RBFOX1: variants seen among roughly 807,000 people sequenced by gnomAD.
RBFOX1 encodes RNA binding protein fox-1 homolog 1.
RBFOX1 carries 8 observed loss-of-function variants against 57.7 expected under a neutral mutation model. The ratio of observed to expected loss-of-function variants is 0.14; its 90% CI spans 0.08 to 0.25. The LOEUF is 0.25. RBFOX1 is among the 10% of genes least tolerant of loss of function. The pLI, the probability that RBFOX1 is intolerant of heterozygous loss-of-function variation, is 1.00. For missense variants in RBFOX1, 611 were observed against 548.5 expected (o/e 1.11, Z -1.14); for synonymous variants, 326 against 222.4 (o/e 1.47, Z -4.15).
In RBFOX1 at chr16:7,051,004, T is replaced by A. The variant is rs540498655; in HGVS notation, c.-15-1053T>A. ...AGAGAAAGTCAAAACAAACTTTGTA[T>A]ACAAAATGCGTAAAATATACATCAA... On this transcript the variant is annotated intron_variant, in intron 3 of 15. Coordinates refer to ENST00000550418, the MANE Select transcript of RBFOX1 (RefSeq NM_018723.4). Among the ~76,000 whole-genome samples the A allele has an allele frequency of 3.3e-5, 5 of 152,298 alleles. No homozygotes were observed. The South Asian group carries it at 6.2e-4, about 19-fold the overall frequency.
chr16:5,813,891 C>T (rs1438639643), intron 3 of RBFOX1, among the ~76,000 whole-genome samples: 1 of 152,202 alleles, frequency 6.6e-6, no homozygotes, highest in East Asian at 1.9e-4. Context: ...ACTTGGGACC[C>T]TGGAATTATA....
At chr16:5,953,725 TAA>T (rs1255685471) in intron 4 of RBFOX1, among the ~76,000 whole-genome samples, 29,842 of 148,922 alleles carry the variant, frequency 0.2, 4,171 homozygotes, top group African/African-American at 0.38. Flanking sequence ...TATATATATA[TAA>T]AAAACACATT....
At chr16:5,817,787 G>A (rs926992122) in intron 3 of RBFOX1, among the ~76,000 whole-genome samples, 3 of 150,862 alleles carry the variant, frequency 2.0e-5, no homozygotes, top group Non-Finnish European at 2.9e-5. Context: ...TCCGACTCCC[G>A]GGTTCGCGCC....
chr16:6,831,363 A>G (rs553273429), intron 3 of RBFOX1, among the ~76,000 whole-genome samples: 3 of 152,276 alleles, frequency 2.0e-5, no homozygotes, highest in South Asian at 2.1e-4. Flanking sequence ...TATTTTCTAG[A>G]TTTTACTGAG....
chr16:7,216,101 G>A (rs1567743922), intron 4 of RBFOX1, among the ~76,000 whole-genome samples: 2 of 152,088 alleles, frequency 1.3e-5, no homozygotes, highest in South Asian at 4.2e-4. Flanking sequence ...AATGCTTACG[G>A]GGTTCATCCA....
At chr16:6,974,633 C>T (rs1355937959) in intron 3 of RBFOX1, among the ~76,000 whole-genome samples, 3 of 152,142 alleles carry the variant, frequency 2.0e-5, no homozygotes, top group Admixed American at 1.3e-4. Flanking sequence ...GCGTGAGTCA[C>T]TGCACCTGGC....
intron 3 of RBFOX1, among the ~76,000 whole-genome samples, chr16:6,898,747 CAT>C (rs1301776626): frequency 2.6e-5 from 4 of 151,240 alleles, no homozygotes; most frequent in South Asian, 2.1e-4. Context: ...TGTATGTGTC[CAT>C]ATATATAATA....
chr16:5,305,394 T>G (rs1399611313), intron 1 of RBFOX1, among the ~76,000 whole-genome samples: 2 of 152,036 alleles, frequency 1.3e-5, no homozygotes, highest in Non-Finnish European at 2.9e-5. Context: ...GTCACTTACA[T>G]CTACAGAGGA....
intron 4 of RBFOX1, among the ~76,000 whole-genome samples, chr16:7,094,744 CTG>C (rs370249382): frequency 0.054 from 7,503 of 139,360 alleles, 505 homozygotes; most frequent in African/African-American, 0.16. Flanking sequence ...GACTGTACAG[CTG>C]TGTGTGTGTG....
At chr16:5,953,507 C>A (rs977958379) in intron 4 of RBFOX1, among the ~76,000 whole-genome samples, 1 of 151,976 alleles carries the variant, frequency 6.6e-6, no homozygotes, top group Non-Finnish European at 1.5e-5. Context: ...CCCTTTCCCC[C>A]CGAGTCCCCA....
intron 1 of RBFOX1, among the ~76,000 whole-genome samples, chr16:6,043,325 T>C (rs1555485690): frequency 3.9e-5 from 6 of 152,078 alleles, no homozygotes; most frequent in Non-Finnish European, 8.8e-5. Flanking sequence ...GCTGCATTCA[T>C]GGAGGTTCTT....
intron 2 of RBFOX1, among the ~76,000 whole-genome samples, chr16:6,382,256 G>A (rs761236938): frequency 5.9e-5 from 9 of 152,242 alleles, no homozygotes; most frequent in African/African-American, 1.9e-4. Context: ...TGGGCCTGCG[G>A]TCTGAAAGCA....
At chr16:5,835,723 T>C (rs1224031834) in intron 3 of RBFOX1, among the ~76,000 whole-genome samples, 1 of 152,230 alleles carries the variant, frequency 6.6e-6, no homozygotes, top group African/African-American at 2.4e-5. Context: ...GTGTTTCCTG[T>C]CTCATCCGTT....
At chr16:5,778,050 G>C (rs1414830028) in intron 3 of RBFOX1, among the ~76,000 whole-genome samples, 1 of 152,182 alleles carries the variant, frequency 6.6e-6, no homozygotes, top group Non-Finnish European at 1.5e-5. Flanking sequence ...GCAGTGGTGA[G>C]CTGGAACCAG....
chr16:5,906,944 T>C (rs1435749415), intron 4 of RBFOX1, among the ~76,000 whole-genome samples: 1 of 151,628 alleles, frequency 6.6e-6, no homozygotes, highest in Non-Finnish European at 1.5e-5. Context: ...AACATGTTGG[T>C]CAGGCTGGTC....
At chr16:7,080,071 A>G (rs925300338) in intron 4 of RBFOX1, among the ~76,000 whole-genome samples, 9 of 136,132 alleles carry the variant, frequency 6.6e-5, no homozygotes, top group African/African-American at 2.8e-4. Flanking sequence ...ATATATATAC[A>G]TATATACATA....
chr16:7,325,080 C>T (rs1295639893), intron 4 of RBFOX1, among the ~76,000 whole-genome samples: 1 of 152,148 alleles, frequency 6.6e-6, no homozygotes, highest in Non-Finnish European at 1.5e-5. Flanking sequence ...GAGCAATTAG[C>T]GGTTGAAGGG....
At chr16:6,193,391 ACTAT>A (rs2097156865) in intron 1 of RBFOX1, among the ~76,000 whole-genome samples, 3 of 15,756 alleles carry the variant, frequency 1.9e-4, no homozygotes, top group African/African-American at 3.5e-4. Context: ...ATATATATAT[ACTAT>A]ATATATATAT....
chr16:5,868,569 C>T (rs558247746), intron 4 of RBFOX1, among the ~76,000 whole-genome samples: 4 of 152,158 alleles, frequency 2.6e-5, no homozygotes, highest in African/African-American at 7.2e-5. Context: ...TATCCATTCC[C>T]GTTCAAATGT....
Sources: allele counts gnomAD v4.1 joint callset (sites outside exome capture counted in the v4.1 genomes callset), GRCh38; gene constraint gnomAD v4.1.1; transcripts MANE v1.5; gene names NCBI Gene and HGNC (gene_info 2026-07-23, HGNC 2026-07-21).